Variants in DLC1 observed in about 807,000 individuals in gnomAD.
DLC1 encodes DLC1 Rho GTPase activating protein.
A neutral mutation model predicts 140.3 loss-of-function variants in DLC1; 54 were observed. The ratio of observed to expected loss-of-function variants is 0.38; its 90% CI spans 0.31 to 0.48. The LOEUF (loss-of-function observed/expected upper bound fraction) is 0.48. Among genes scored for constraint, DLC1 ranks in the 20% least tolerant of loss-of-function variants. The probability of loss-of-function intolerance (pLI) is 0.96; values close to 1 mark genes in which losing one functional copy is unlikely to be tolerated. For synonymous variants in DLC1, 986 were observed against 728.1 expected, an observed-to-expected ratio of 1.35 and a Z score of -5.70; for missense variants, 2,536 against 1,907.0, an observed-to-expected ratio of 1.33 and a Z score of -6.14.
chr8:13,133,212 G>A, intron 5 of DLC1: 2 of 1,420,898 alleles, frequency 1.4e-6, no homozygotes, highest in East Asian at 2.6e-5. Flanking sequence ...TCCGTGAGCC[G>A]GCGCTCCTGA....
At chr8:13,331,721 C>G (rs908586592) in intron 4 of DLC1, among the ~76,000 whole-genome samples, 4 of 151,688 alleles carry the variant, frequency 2.6e-5, no homozygotes, top group African/African-American at 9.7e-5. Flanking sequence ...TTTCATAAAA[C>G]CTGAAACTCA....
At chr8:13,174,328 A>G (rs930577024) in intron 5 of DLC1, among the ~76,000 whole-genome samples, 3 of 152,186 alleles carry the variant, frequency 2.0e-5, no homozygotes, top group African/African-American at 7.2e-5. Flanking sequence ...ATGAACATAC[A>G]AGTGCATGTG....
At chr8:13,351,874 A>T (rs199945052) in intron 4 of DLC1, among the ~76,000 whole-genome samples, 2 of 142,284 alleles carry the variant, frequency 1.4e-5, no homozygotes, top group Non-Finnish European at 3.0e-5. Flanking sequence ...AAATGAAATT[A>T]ATTGTCATGA....
chr8:13,556,028 G>C (rs937441684), intron 1 of DLC1, among the ~76,000 whole-genome samples: 5 of 152,164 alleles, frequency 3.3e-5, no homozygotes, highest in African/African-American at 1.2e-4. Flanking sequence ...ACAGGTGGAA[G>C]AGAGAAGGAC....
At chr8:13,091,232 G>T in intron 14 of DLC1, 86 bp downstream of exon 14, 1 of 1,316,412 alleles carries the variant, frequency 7.6e-7, no homozygotes, top group Non-Finnish European at 1.1e-6. Context: ...AGGTCTTCAG[G>T]TAAGACATGA....
rs1801637385 is a variant in DLC1 at position 13,498,898 on chromosome 8, T to C, written c.1023+151A>G. On this transcript the variant is annotated intron_variant, in intron 2 of 17. Coordinates refer to ENST00000276297, the MANE Select transcript of DLC1 (RefSeq NM_182643.3). The stretch of plus-strand genomic sequence containing the variant: ...TTAATTTTTACATATTTTGATGGTT[T>C]GACCAAGTGGGTAGTCGTTGAATTA... The C allele has an allele frequency of 1.5e-5, 12 of 812,814 alleles. No homozygotes were observed. In the South Asian group the frequency reaches 3.1e-4, roughly 21 times the overall value. The allele number at this position is 812,814 out of a possible 1,614,324, so 50.4% of individuals were successfully genotyped here. A position where few individuals can be genotyped will look rare whatever the true frequency, so the allele number is the denominator to read the frequency against.
Position 13,477,094 on chromosome 8 carries a change from T to C in DLC1, c.1023+21955A>G, listed in dbSNP as rs184547001. Among the ~76,000 whole-genome samples, 246 of 152,274 alleles carry C rather than the reference T, an allele frequency of 1.6e-3. 2 individuals carry two copies. The highest frequency in any genetic ancestry group is 6.5e-4 in the Non-Finnish European group (44 of 68,034). ...CATCCGTCTGCTAGACAGCTTCCTA[T>C]TTCTCACTATTCCATGTCAGTTACT... On this transcript the variant is annotated intron_variant, in intron 2 of 17. Coordinates refer to ENST00000276297, the MANE Select transcript of DLC1 (RefSeq NM_182643.3).
intron 5 of DLC1, among the ~76,000 whole-genome samples, chr8:13,280,142 G>A (rs1180897987): frequency 1.3e-5 from 2 of 150,350 alleles, no homozygotes; most frequent in African/African-American, 2.5e-5. Context: ...AAAAAAATTA[G>A]CCGGGCGTGG....
intron 5 of DLC1, among the ~76,000 whole-genome samples, chr8:13,264,261 C>T (rs1429211113): frequency 6.6e-6 from 1 of 151,828 alleles, no homozygotes; most frequent in Non-Finnish European, 1.5e-5. Flanking sequence ...TTAGTAGAGA[C>T]AGGGTTTCAC....
chr8:13,279,402 T>G (rs1831285364), intron 5 of DLC1, among the ~76,000 whole-genome samples: 1 of 152,208 alleles, frequency 6.6e-6, no homozygotes, highest in African/African-American at 2.4e-5. Context: ...CTAGTGCAGG[T>G]TGCATTAGGT....
chr8:13,586,444 A>G lies in DLC1; in HGVS notation c.-126+18093T>C, dbSNP rs370974881. Among the ~76,000 whole-genome samples the G allele has an allele frequency of 1.2e-3, 190 of 152,338 alleles. 1 individual carries two copies. Among genetic ancestry groups the G allele is most frequent in the Middle Eastern group, 6.8e-3 (2 of 294 alleles). ...TTCTCATTATGTACATGCTGGTGTCATCAGCAGATGTTAAAGATATAAGAA... is the reference window on the plus strand; with the variant it reads ...TTCTCATTATGTACATGCTGGTGTCGTCAGCAGATGTTAAAGATATAAGAA... On this transcript the variant is annotated intron_variant, in intron 1 of 1. Transcript: ENST00000631382.
intron 4 of DLC1, among the ~76,000 whole-genome samples, chr8:13,317,119 T>C (rs1349878356): frequency 1.3e-5 from 2 of 152,232 alleles, no homozygotes; most frequent in East Asian, 3.9e-4. Flanking sequence ...CAATGAATTC[T>C]GAGCTTTCTG....
At chr8:13,505,622 A>G (rs569660816) in intron 1 of DLC1, among the ~76,000 whole-genome samples, 54 of 152,140 alleles carry the variant, frequency 3.5e-4, no homozygotes, top group Non-Finnish European at 6.5e-4. Context: ...ATTCCCCCTC[A>G]CCACAGCATC....
At chr8:13,276,578 G>T in intron 5 of DLC1, 1 of 1,264,832 alleles carries the variant, frequency 7.9e-7, no homozygotes, top group Non-Finnish European at 9.9e-7. Context: ...GGCCAAGCGC[G>T]CGCGGCGGCC....
At chr8:13,577,092 T>C (rs915479000) in intron 1 of DLC1, among the ~76,000 whole-genome samples, 4 of 152,142 alleles carry the variant, frequency 2.6e-5, no homozygotes, top group Non-Finnish European at 5.9e-5. Flanking sequence ...TAATCCACCA[T>C]GGGGCACCAT....
At chr8:13,163,025 T>C (rs1276094017) in intron 5 of DLC1, among the ~76,000 whole-genome samples, 3 of 152,176 alleles carry the variant, frequency 2.0e-5, no homozygotes, top group African/African-American at 7.2e-5. Context: ...GTTGACACCA[T>C]GTAGCCTCTC....
intron 1 of DLC1, among the ~76,000 whole-genome samples, chr8:13,593,126 T>C (rs146793200): frequency 0.013 from 1,963 of 152,206 alleles, 24 homozygotes; most frequent in Middle Eastern, 0.02. Flanking sequence ...CCACCCAATC[T>C]ATGTTCCAGT....
At chr8:13,422,333 C>T (rs1264857446) in intron 2 of DLC1, among the ~76,000 whole-genome samples, 1 of 151,686 alleles carries the variant, frequency 6.6e-6, no homozygotes, top group African/African-American at 2.4e-5. Context: ...ATATTATTTT[C>T]GTATGAGAGA....
rs1820029184 is a variant in DLC1 at position 13,110,792 on chromosome 8, G to C, written c.1452C>G (p.Val484=). The C allele has an allele frequency of 6.2e-7, 1 of 1,614,042 alleles. No individual in the cohort carries two copies. The highest frequency in any genetic ancestry group is 8.5e-7 in the Non-Finnish European group (1 of 1,180,006). ...TGTCCAAAAAATCATGCTCTCTCTT[G>C]ACCAAGGAAATATCGATGGGGAACA... The part of the protein sequence containing the change: ...DFLFPIDISL[V]KREHDFLDRD... Residue 484 remains valine, a synonymous_variant, in exon 7 of 18, where the codon GTC becomes GTG. Transcript: ENST00000276297.
Sources: gnomAD v4.1 joint callset for allele counts (sites outside exome capture counted in the v4.1 genomes callset) on GRCh38, gnomAD v4.1.1 for gene constraint, MANE v1.5 for transcripts, NCBI Gene and HGNC (gene_info 2026-07-23, HGNC 2026-07-21) for gene names.